WDR27: variants seen among roughly 807,000 people sequenced by gnomAD.
WDR27 encodes WD repeat domain 27, also known as WD repeat-containing protein 27.
A neutral mutation model predicts 114.4 loss-of-function variants in WDR27; 100 were observed. That is an observed-to-expected ratio of 0.87 (90% CI 0.74 to 1.03). The LOEUF is 1.03. Ranked by LOEUF, WDR27 falls within the 50% of genes least tolerant of loss-of-function variation. The probability of loss-of-function intolerance (pLI) is 0.00; values close to 1 mark genes in which losing one functional copy is unlikely to be tolerated. For synonymous variants in WDR27, 449 were observed against 423.1 expected (o/e 1.06, Z -0.75); for missense variants, 1,129 against 1,092.9 (o/e 1.03, Z -0.47).
At chr6:169,676,797 C>A (rs941943571) in intron 2 of WDR27, among the ~76,000 whole-genome samples, 1 of 152,166 alleles carries the variant, frequency 6.6e-6, no homozygotes, top group African/African-American at 2.4e-5. Flanking sequence ...TTTGAACTGT[C>A]CCACCTTTCT....
At chr6:169,483,747 C>T (rs1400293218) in intron 25 of WDR27, among the ~76,000 whole-genome samples, 2 of 151,674 alleles carry the variant, frequency 1.3e-5, no homozygotes, top group South Asian at 4.2e-4. Flanking sequence ...AGGCCAATAT[C>T]GTTGATGAGC....
intron 21 of WDR27, among the ~76,000 whole-genome samples, chr6:169,621,572 A>G (rs1167428494): frequency 2.6e-5 from 4 of 152,006 alleles, no homozygotes. Flanking sequence ...TCATGCATAT[A>G]CATACACATG....
rs375033343 is a variant in WDR27, at chr6:169,643,740, G to C, written c.1704C>G (p.Leu568=). 1.8e-5 allele frequency: 29 copies of C among 1,613,548 alleles called. No individual in the cohort carries two copies. The highest frequency in any genetic ancestry group is 2.3e-5 in the Non-Finnish European group (27 of 1,179,788). Residue 568 remains leucine, a synonymous_variant, in exon 17 of 26, where the codon CTC becomes CTG. Coordinates refer to ENST00000448612, the MANE Select transcript of WDR27 (RefSeq NM_182552.5). ...LACGLANHLL[L]VFDASLTGTP... ...TCCCAGTCAGGCTGGCATCAAAAAC[G>C]AGTAACAGATGGTTGGCCAACCCAC...
chr6:169,614,063 T>C (rs2128187496), intron 21 of WDR27, among the ~76,000 whole-genome samples: 1 of 152,262 alleles, frequency 6.6e-6, no homozygotes, highest in Admixed American at 6.5e-5. Context: ...AACCCCTAAA[T>C]GACACTCAGC....
At chr6:169,619,139 G>A (rs918341583) in intron 21 of WDR27, among the ~76,000 whole-genome samples, 5 of 152,208 alleles carry the variant, frequency 3.3e-5, no homozygotes, top group African/African-American at 9.7e-5. Context: ...TGCTCAAGCT[G>A]TTGAAAAATG....
At chr6:169,691,499 C>T (rs897672319) in intron 1 of WDR27, among the ~76,000 whole-genome samples, 3 of 152,082 alleles carry the variant, frequency 2.0e-5, no homozygotes, top group Admixed American at 1.3e-4. Context: ...GGGAACAATA[C>T]GAACCTGCTG....
At chr6:169,492,374 A>C (rs1310589157) in intron 25 of WDR27, among the ~76,000 whole-genome samples, 1 of 152,174 alleles carries the variant, frequency 6.6e-6, no homozygotes, top group Non-Finnish European at 1.5e-5. Context: ...GCCACAGATA[A>C]TACTTTGAGA....
chr6:169,655,189 G>A (rs1388823850), intron 13 of WDR27, among the ~76,000 whole-genome samples: 6 of 152,202 alleles, frequency 3.9e-5, no homozygotes, highest in Non-Finnish European at 7.4e-5. Context: ...AAATTCCAGC[G>A]TCCAGCGACA....
intron 24 of WDR27, among the ~76,000 whole-genome samples, chr6:169,574,862 G>A (rs1248455205): frequency 6.6e-6 from 1 of 152,206 alleles, no homozygotes; most frequent in African/African-American, 2.4e-5. Context: ...GATCAGGGAA[G>A]TCACTCAAAG....
At chr6:169,477,288 A>G (rs1787317249) in intron 25 of WDR27, among the ~76,000 whole-genome samples, 1 of 152,206 alleles carries the variant, frequency 6.6e-6, no homozygotes, top group Non-Finnish European at 1.5e-5. Context: ...ATGGGCCCAT[A>G]ATTGCCTTTT....
chr6:169,635,494 G>A (rs899649202), intron 19 of WDR27, among the ~76,000 whole-genome samples: 2 of 152,150 alleles, frequency 1.3e-5, no homozygotes, highest in Non-Finnish European at 2.9e-5. Flanking sequence ...CATGCAACCC[G>A]CCCCAGCACA....
At chr6:169,571,796 C>G (rs1397088118) in intron 25 of WDR27, among the ~76,000 whole-genome samples, 172 of 152,284 alleles carry the variant, frequency 1.1e-3, no homozygotes, top group Non-Finnish European at 2.2e-3. Context: ...CGTGATCACA[C>G]CACTGGACTC....
At chr6:169,498,870 G>A (rs1363427856) in intron 25 of WDR27, among the ~76,000 whole-genome samples, 1 of 152,240 alleles carries the variant, frequency 6.6e-6, no homozygotes, top group African/African-American at 2.4e-5. Flanking sequence ...AGGGACCTGT[G>A]TGAGGATTGT....
intron 17 of WDR27, among the ~76,000 whole-genome samples, chr6:169,639,224 G>T (rs1039819398): frequency 6.6e-6 from 1 of 151,792 alleles, no homozygotes; most frequent in African/African-American, 2.4e-5. Flanking sequence ...GCGTGGTGCC[G>T]GGTACTGCGT....
chr6:169,677,810 A>C (rs935165847), intron 2 of WDR27, among the ~76,000 whole-genome samples: 3 of 152,244 alleles, frequency 2.0e-5, no homozygotes, highest in Admixed American at 6.5e-5. Flanking sequence ...CTCTGGCCTC[A>C]GCTCAGAGGA....
intron 1 of WDR27, among the ~76,000 whole-genome samples, chr6:169,697,948 G>C (rs1285191099): frequency 6.6e-6 from 1 of 152,162 alleles, no homozygotes; most frequent in Non-Finnish European, 1.5e-5. Context: ...CACGGGGAGA[G>C]ACCCACTGAC....
chr6:169,685,320 A>G (rs554616221), intron 2 of WDR27, among the ~76,000 whole-genome samples: 19 of 152,276 alleles, frequency 1.2e-4, no homozygotes, highest in Non-Finnish European at 2.6e-4. Context: ...CCTCCAAAGG[A>G]AAACAACAAT....
At chr6:169,686,552 A>C (rs1280171338) in intron 2 of WDR27, among the ~76,000 whole-genome samples, 1 of 152,182 alleles carries the variant, frequency 6.6e-6, no homozygotes, top group Non-Finnish European at 1.5e-5. Flanking sequence ...ATAGTCTTAA[A>C]GTGAAGGGAT....
At chr6:169,447,791 T>G in the WDR27 span, among the ~76,000 whole-genome samples, 13 of 152,376 alleles carry the variant, frequency 8.5e-5, no homozygotes, top group African/African-American at 3.1e-4. Context: ...AGAATGTCTC[T>G]TCAGGGATTC....
Sources: gnomAD v4.1 joint callset for allele counts (sites outside exome capture counted in the v4.1 genomes callset) on GRCh38, gnomAD v4.1.1 for gene constraint, MANE v1.5 for transcripts, NCBI Gene and HGNC (gene_info 2026-07-23, HGNC 2026-07-21) for gene names.